The following CCK variants were observed in gnomAD, a reference collection of about 807,000 sequenced individuals.
The protein encoded by CCK is cholecystokinin triacontatriapeptide.
CCK carries 11 observed loss-of-function variants against 10.1 expected under a neutral mutation model. The observed-to-expected ratio is 1.09, with a 90% CI of 0.69 to 1.81. CCK has a LOEUF of 1.81. Among genes scored for constraint, CCK ranks in the 40% most tolerant of loss-of-function variants. CCK has a pLI of 0.00. For synonymous variants in CCK, 83 were observed against 71.9 expected (o/e 1.15, Z -0.78); for missense variants, 137 against 159.9 (o/e 0.86, Z 0.77).
intron 3 of CCK, chr3:42,264,036 G>A (rs1375867909): frequency 1.2e-5 from 2 of 173,360 alleles, no homozygotes; most frequent in Non-Finnish European, 2.4e-5. Context: ...TGGGAGAAAT[G>A]AGAACCCTGG....
chr3:42,263,362 A>C (rs1301444767), intron 4 of CCK, 55 bp downstream of exon 4: 2 of 1,613,606 alleles, frequency 1.2e-6, no homozygotes, highest in Admixed American at 1.7e-5. Context: ...GAGGGTCAGC[A>C]TCGGGAGCCT....
chr3:42,257,984 A>G lies in CCK; in HGVS notation c.*114T>C. The G allele has an allele frequency of 1.8e-6, 2 of 1,129,096 alleles. No individual in the cohort carries two copies. The highest frequency in any genetic ancestry group is 3.3e-5 in the South Asian group (2 of 61,512). The allele number at this position is 1,129,096 out of a possible 1,614,324, so 69.9% of individuals were successfully genotyped here. A position where few individuals can be genotyped will look rare whatever the true frequency, so the allele number is the denominator to read the frequency against. ...TTCACATTGAGAACTTAATAAATAG[A>G]TACATACAATGTCAAACTCCACAGA... On this transcript the variant is annotated 3_prime_UTR_variant, in exon 5 of 5. Coordinates refer to ENST00000396169, the MANE Select transcript of CCK (RefSeq NM_000729.6).
chr3:42,258,679 C>T (rs1202160311), intron 4 of CCK, among the ~76,000 whole-genome samples: 2 of 152,076 alleles, frequency 1.3e-5, no homozygotes, highest in Non-Finnish European at 2.9e-5. Flanking sequence ...TTCCTGACTC[C>T]TGGAGAGCTC....
intron 4 of CCK, among the ~76,000 whole-genome samples, chr3:42,258,776 A>T (rs557596280): frequency 2.6e-5 from 4 of 152,316 alleles, no homozygotes; most frequent in African/African-American, 9.6e-5. Flanking sequence ...TAGTTCAACC[A>T]TTGTGGAAGA....
chr3:42,262,289 C>T (rs1388706327), intron 4 of CCK, among the ~76,000 whole-genome samples: 4 of 143,956 alleles, frequency 2.8e-5, no homozygotes, highest in South Asian at 2.2e-4. Context: ...GGCACAATCT[C>T]GGCTCACTGC....
intron 4 of CCK, among the ~76,000 whole-genome samples, chr3:42,261,505 A>G (rs569056507): frequency 1.3e-5 from 2 of 152,194 alleles, no homozygotes; most frequent in South Asian, 4.2e-4. Flanking sequence ...AGGCAAAGGG[A>G]GAGGGGGGCT....
At chr3:42,262,393 T>C (rs1039443914) in intron 4 of CCK, among the ~76,000 whole-genome samples, 1 of 152,084 alleles carries the variant, frequency 6.6e-6, no homozygotes, top group Non-Finnish European at 1.5e-5. Flanking sequence ...GCTAATTTTG[T>C]ATTTTTAGTA....
At chr3:42,258,625 AG>A (rs1711170766) in intron 4 of CCK, among the ~76,000 whole-genome samples, 1 of 152,218 alleles carries the variant, frequency 6.6e-6, no homozygotes, top group Non-Finnish European at 1.5e-5. Flanking sequence ...AGATTTTTCC[AG>A]TACTTAATTG....
At chr3:42,263,031 C>T in intron 4 of CCK, 1 of 341,814 alleles carries the variant, frequency 2.9e-6, no homozygotes, top group Admixed American at 4.4e-5. Context: ...AGCATTGACC[C>T]CTTCCTGCTA....
chr3:42,262,356 G>C (rs1365760674), intron 4 of CCK, among the ~76,000 whole-genome samples: 1 of 151,742 alleles, frequency 6.6e-6, no homozygotes, highest in African/African-American at 2.4e-5. Flanking sequence ...GTGTAGCTGG[G>C]ATTACAAGCA....
At chr3:42,260,688 G>A (rs141100401) in intron 4 of CCK, among the ~76,000 whole-genome samples, 73 of 152,316 alleles carry the variant, frequency 4.8e-4, no homozygotes, top group Non-Finnish European at 9.1e-4. Flanking sequence ...ATTGGAAGGG[G>A]CTTATTGGAA....
At chr3:42,263,687 C>T (rs953063717) in intron 3 of CCK, 55 bp from the exon 4 acceptor site, 1 of 1,461,260 alleles carries the variant, frequency 6.8e-7, no homozygotes, top group African/African-American at 1.4e-5. Context: ...CAACAGAGCT[C>T]CTGCGGCGGG....
In CCK at chr3:42,258,163, G is replaced by C. The variant is rs3774395; in HGVS notation, c.283C>G (p.Arg95Gly). ...AAATCCATCCAGCCCATGTAGTCCC[G>C]GTCACTTATCCTGTGGCTGGGGTCC... ...NLDPSHRISD[R>G]DYMGWMDFGR... Residue 95 changes from arginine to glycine, a missense_variant, in exon 5 of 5, where the codon CGG becomes GGG. Arg to Gly is a moderately radical substitution (Grantham distance 125). Coordinates refer to ENST00000396169, the MANE Select transcript of CCK (RefSeq NM_000729.6). The C allele has an allele frequency of 1.2e-6, 2 of 1,613,972 alleles. No individual in the cohort carries two copies. The highest frequency in any genetic ancestry group is 2.2e-5 in the South Asian group (2 of 91,068).
intron 4 of CCK, chr3:42,263,110 T>C: frequency 4.2e-6 from 2 of 471,282 alleles, no homozygotes; most frequent in Admixed American, 3.4e-5. Flanking sequence ...GGGTATTCAC[T>C]GTATCTAGGA....
rs1282849591 is a variant in CCK at position 42,264,779 on chromosome 3, G to C, written c.-85C>G. On this transcript the variant is annotated 5_prime_UTR_variant, in exon 3 of 5. Transcript: ENST00000396169. ...AGCCAAGTTCAGGGAGGACCAGCGGGCGGCTGTCTCTTAAATAGCCCCACC... is the reference window on the plus strand; with the variant it reads ...AGCCAAGTTCAGGGAGGACCAGCGGCCGGCTGTCTCTTAAATAGCCCCACC... 1.3e-5 allele frequency: 2 copies of C among 152,360 alleles called. No homozygotes were observed. Among genetic ancestry groups the C allele is most frequent in the Non-Finnish European group, 2.9e-5 (2 of 68,164 alleles). 9.4% of individuals were successfully genotyped at this position (152,360 alleles called of 1,614,324 possible). A position where few individuals can be genotyped will look rare whatever the true frequency, so the allele number is the denominator to read the frequency against.
At chr3:42,260,329 A>T (rs1389720406) in intron 4 of CCK, among the ~76,000 whole-genome samples, 14 of 152,228 alleles carry the variant, frequency 9.2e-5, no homozygotes, top group Non-Finnish European at 5.9e-5. Context: ...ACATGGAAAC[A>T]TGACCCATCC....
intron 4 of CCK, among the ~76,000 whole-genome samples, chr3:42,260,516 G>A (rs981265126): frequency 2.6e-5 from 4 of 152,164 alleles, no homozygotes; most frequent in South Asian, 2.1e-4. Context: ...CCCGTTCCAC[G>A]TACAGTTCTG....
chr3:42,258,000 A>T lies in CCK; in HGVS notation c.*98T>A. 5.4e-6 allele frequency: 7 copies of T among 1,303,136 alleles called. No individual in the cohort carries two copies. In the South Asian group the frequency reaches 8.9e-5, roughly 17 times the overall value. 80.7% of individuals were successfully genotyped at this position (1,303,136 alleles called of 1,614,324 possible). On this transcript the variant is annotated 3_prime_UTR_variant, in exon 5 of 5. Coordinates refer to ENST00000396169, the MANE Select transcript of CCK (RefSeq NM_000729.6). The stretch of plus-strand genomic sequence containing the variant: ...AATAAATAGATACATACAATGTCAA[A>T]CTCCACAGACAATGAGTTATGAGTG...
intron 3 of CCK, chr3:42,263,974 C>A (rs1030751212): frequency 3.9e-6 from 1 of 259,242 alleles, no homozygotes; most frequent in Non-Finnish European, 7.2e-6. Flanking sequence ...AAAAATAAAA[C>A]CCCACGAGAT....
Sources: gnomAD v4.1 joint callset for allele counts (sites outside exome capture counted in the v4.1 genomes callset) on GRCh38, gnomAD v4.1.1 for gene constraint, MANE v1.5 for transcripts, NCBI Gene and HGNC (gene_info 2026-07-23, HGNC 2026-07-21) for gene names.